Variants in KRI1 observed in about 807,000 individuals in gnomAD.
KRI1 encodes the protein protein KRI1 homolog.
Under a neutral mutation model 97.0 loss-of-function variants are expected in KRI1, and 83 were observed. That is an observed-to-expected ratio of 0.86 (90% CI 0.72 to 1.03). The LOEUF (loss-of-function observed/expected upper bound fraction) is 1.03, where lower values mean the gene tolerates loss of function less well. Among genes scored for constraint, KRI1 ranks in the 50% least tolerant of loss-of-function variants. The pLI is 0.00. For synonymous variants in KRI1, 371 were observed against 363.5 expected, an observed-to-expected ratio of 1.02 and a Z score of -0.23; for missense variants, 916 against 928.4, an observed-to-expected ratio of 0.99 and a Z score of 0.17.
In KRI1 at chr19:10,565,995, G is replaced by T. The variant is rs577890892; in HGVS notation, c.5C>A (p.Pro2Gln). The T allele has an allele frequency of 6.6e-7, 1 of 1,520,680 alleles. No homozygotes were observed. Among genetic ancestry groups the T allele is most frequent in the South Asian group, 1.2e-5 (1 of 82,194 alleles). 94.2% of individuals were successfully genotyped at this position (1,520,680 alleles called of 1,614,324 possible). A position where few individuals can be genotyped will look rare whatever the true frequency, so the allele number is the denominator to read the frequency against. The change falls in exon 1 of 19, where the codon CCG (proline) becomes CAG (glutamine). Residue 2 changes from proline to glutamine, a missense_variant. Around this residue, in one of 3 missense-constraint regions of KRI1, gnomAD observed 173 missense variants for 153.1 expected, o/e 1.13. Coordinates refer to ENST00000312962, the MANE Select transcript of KRI1 (RefSeq NM_023008.5). M[P>Q]EPRGSSQLRV... The stretch of plus-strand genomic sequence containing the variant: ...CAGCTGCGACGACCCGCGCGGTTCC[G>T]GCATGGCGGTTCTGTGGCCCATTGC...
chr19:10,553,664 C>T lies in KRI1; in HGVS notation c.*287G>A, dbSNP rs1245224057. The T allele has an allele frequency of 9.2e-6, 3 of 326,506 alleles. No individual in the cohort carries two copies. In the East Asian group the frequency reaches 1.9e-4, roughly 20 times the overall value. The allele number at this position is 326,506 out of a possible 1,614,324, so 20.2% of individuals were successfully genotyped here. Reference sequence around the variant, plus strand: ...AATCATAGCTCTCTGTAGCCTCAAACTCATGGCCTTAAGTGATCTTCCTTC... The same window carrying T: ...AATCATAGCTCTCTGTAGCCTCAAATTCATGGCCTTAAGTGATCTTCCTTC... On this transcript the variant is annotated 3_prime_UTR_variant, in exon 19 of 19. Transcript: ENST00000312962.
chr19:10,558,291 G>A (rs765016667), intron 12 of KRI1, 52 bp from the exon 13 acceptor site: 2 of 1,571,978 alleles, frequency 1.3e-6, no homozygotes, highest in Admixed American at 1.7e-5. Context: ...CATAGGAGCT[G>A]AGCCCCCTAC....
At chr19:10,560,934 T>C in intron 8 of KRI1, 69 bp downstream of exon 8, 1 of 1,212,970 alleles carries the variant, frequency 8.2e-7, no homozygotes, top group Non-Finnish European at 1.2e-6. Flanking sequence ...AGGGTTACTT[T>C]CTGTAAATAG....
Position 10,557,894 on chromosome 19 carries a change from A to T in KRI1, c.1361T>A (p.Met454Lys), listed in dbSNP as rs1568421844. The stretch of plus-strand genomic sequence containing the variant: ...CTGGCTGGGGTCGTAGTCGGCGTCC[A>T]TCTGCCAGGACGCACAGGTCAGATC... The part of the protein sequence containing the change: ...ELHCEDPNFN[M>K]DADYDPSQPR... Residue 454 changes from methionine to lysine, a missense_variant and splice_region_variant, in exon 15 of 19, where the codon ATG (methionine) becomes AAG (lysine). Around this residue, in one of 3 missense-constraint regions of KRI1, gnomAD observed 672 missense variants for 667.2 expected, o/e 1.01. Coordinates refer to ENST00000312962, the MANE Select transcript of KRI1 (RefSeq NM_023008.5). 6.2e-7 allele frequency: 1 copy of T among 1,613,458 alleles called. No individual in the cohort carries two copies. The highest frequency in any genetic ancestry group is 1.7e-5 in the Admixed American group (1 of 59,982).
Position 10,562,825 on chromosome 19 carries a change from T to C in KRI1, c.287A>G (p.Asp96Gly). 6.2e-7 allele frequency: 1 copy of C among 1,609,320 alleles called. No individual in the cohort carries two copies. Residue 96 changes from aspartate (D) to glycine (G), a missense_variant, in exon 4 of 19, where the codon GAC becomes GGC. By Grantham distance (94) the Asp-to-Gly change is moderately conservative (BLOSUM62 -1). Around this residue, in one of 3 missense-constraint regions of KRI1, gnomAD observed 173 missense variants for 153.1 expected, o/e 1.13. Coordinates refer to ENST00000312962, the MANE Select transcript of KRI1 (RefSeq NM_023008.5). ...CAAGGCTTCTGGGTCCTCCTCACTGTCTGATGACGATGCTGTTAACCCACC... is the reference window on the plus strand; with the variant it reads ...CAAGGCTTCTGGGTCCTCCTCACTGCCTGATGACGATGCTGTTAACCCACC... ...TFYNRTASSS[D>G]SEEDPEALEK... is the part of the protein sequence containing the mutation.
chr19:10,559,284 C>T lies in KRI1; in HGVS notation c.1194+75G>A, dbSNP rs768935761. 1.9e-4 allele frequency: 283 copies of T among 1,517,584 alleles called. 1 individual carries two copies. Among genetic ancestry groups the T allele is most frequent in the Middle Eastern group, 8.7e-4 (5 of 5,736 alleles). 94.0% of individuals were successfully genotyped at this position (1,517,584 alleles called of 1,614,324 possible). A position where few individuals can be genotyped will look rare whatever the true frequency, so the allele number is the denominator to read the frequency against. ...CCTCCCAAAGTGCTGGGATTACAGG[C>T]GTGAGCCACCGTGGCCAGTGAGAGC... is the stretch of plus-strand genomic sequence containing the variant. On this transcript the variant is annotated intron_variant, in intron 12 of 18. Coordinates refer to ENST00000312962, the MANE Select transcript of KRI1 (RefSeq NM_023008.5).
intron 8 of KRI1, 98 bp downstream of exon 8, chr19:10,560,905 G>T (rs1366859899): frequency 1.1e-6 from 1 of 924,356 alleles, no homozygotes; most frequent in Non-Finnish European, 1.7e-6. Flanking sequence ...GCCCAGAGAT[G>T]TACATATCCC....
In KRI1 at chr19:10,555,075, A is replaced by G. The variant is rs1568420559; in HGVS notation, c.1781+12T>C. On this transcript the variant is annotated intron_variant, in intron 18 of 18. Coordinates refer to ENST00000312962, the MANE Select transcript of KRI1 (RefSeq NM_023008.5). Reference sequence around the variant, plus strand: ...GCTCCCCACCCACGCTTCCCCAGCCAGCACTGCTTACTCTTCTCGGCAGAG... The same window carrying G: ...GCTCCCCACCCACGCTTCCCCAGCCGGCACTGCTTACTCTTCTCGGCAGAG... The G allele has an allele frequency of 2.5e-6, 4 of 1,610,710 alleles. No homozygotes were observed. Among genetic ancestry groups the G allele is most frequent in the East Asian group, 2.2e-5 (1 of 44,880 alleles).
intron 12 of KRI1, 31 bp from the exon 13 acceptor site, chr19:10,558,270 C>G: frequency 6.2e-7 from 1 of 1,608,572 alleles, no homozygotes; most frequent in Non-Finnish European, 8.5e-7. Context: ...GTTACCAGAG[C>G]CCACTCGAGA....
At chr19:10,560,079 T>C (rs1346531363) in intron 9 of KRI1, 143 bp from the exon 10 acceptor site, 12 of 1,262,772 alleles carry the variant, frequency 9.5e-6, no homozygotes, top group Non-Finnish European at 1.3e-5. Context: ...TGTCCTCATT[T>C]TACAGATGGG....
chr19:10,562,521 T>G (rs1316733388), intron 4 of KRI1, among the ~76,000 whole-genome samples: 3 of 149,114 alleles, frequency 2.0e-5, no homozygotes, highest in East Asian at 4.9e-4. Context: ...AATTTTTTTG[T>G]AGAGGCGGGG....
rs747270385 is a variant in KRI1 at position 10,554,151 on chromosome 19, C to T, written c.1912G>A (p.Val638Ile). 6 of 1,614,088 alleles carry T rather than the reference C, an allele frequency of 3.7e-6. No homozygotes were observed. Among genetic ancestry groups the T allele is most frequent in the East Asian group, 4.5e-5 (2 of 44,890 alleles). Residue 638 changes from valine to isoleucine, a missense_variant, in exon 19 of 19, where the codon GTA becomes ATA. Around this residue, in one of 3 missense-constraint regions of KRI1, gnomAD observed 672 missense variants for 667.2 expected, o/e 1.01. Transcript: ENST00000312962. Reference protein sequence around the residue: ...SPPAQEEEAPVSPHKKPAPQK... With the variant: ...SPPAQEEEAPISPHKKPAPQK... Reference sequence around the variant, plus strand: ...GGGGCTGGCTTCTTGTGGGGTGATACAGGGGCTTCCTCTTCCTGTGCTGGG... The same window carrying T: ...GGGGCTGGCTTCTTGTGGGGTGATATAGGGGCTTCCTCTTCCTGTGCTGGG...
rs759346845 is a variant in KRI1, at chr19:10,565,705, G to A, written c.168+12C>T. The A allele has an allele frequency of 6.4e-6, 10 of 1,562,084 alleles. No individual in the cohort carries two copies. The highest frequency in any genetic ancestry group is 1.8e-4 in the Middle Eastern group (1 of 5,422). On this transcript the variant is annotated intron_variant, in intron 2 of 18. Coordinates refer to ENST00000312962, the MANE Select transcript of KRI1 (RefSeq NM_023008.5). ...CGCCTCCGCACGTCCAGGACGGGGC[G>A]GGGACGCGCACCACGCGCTCGTCGC...
intron 6 of KRI1, 139 bp downstream of exon 6, chr19:10,561,528 G>T: frequency 1.1e-6 from 1 of 913,232 alleles, no homozygotes; most frequent in Non-Finnish European, 1.8e-6. Flanking sequence ...GAGCAGTGCT[G>T]TGATGTTATT....
intron 8 of KRI1, 32 bp downstream of exon 8, chr19:10,560,971 T>G: frequency 1.3e-6 from 2 of 1,529,632 alleles, no homozygotes; most frequent in Non-Finnish European, 1.8e-6. Flanking sequence ...ACACGCGGTC[T>G]ACTCCATCAG....
At chr19:10,561,995 G>A in intron 4 of KRI1, 150 bp from the exon 5 acceptor site, 3 of 643,288 alleles carry the variant, frequency 4.7e-6, no homozygotes, top group African/African-American at 1.8e-5. Flanking sequence ...GGCTATCTGC[G>A]ATTCTGGTGA....
rs781551594 is a variant in KRI1, at chr19:10,561,156, C to T, written c.585+13G>A. On this transcript the variant is annotated intron_variant, in intron 7 of 18. Coordinates refer to ENST00000312962, the MANE Select transcript of KRI1 (RefSeq NM_023008.5). ...CCTGTCCCCCAGCAGTCCAGTCAGG[C>T]CCCAGTACCCACCTTCTCCTGCCTG... The T allele has an allele frequency of 1.1e-5, 17 of 1,613,244 alleles. No individual in the cohort carries two copies. The highest frequency in any genetic ancestry group is 8.5e-7 in the Non-Finnish European group (1 of 1,179,334).
chr19:10,555,314 C>G lies in KRI1; in HGVS notation c.1653G>C (p.Trp551Cys). Residue 551 changes from tryptophan to cysteine, a missense_variant, in exon 17 of 19, where the codon TGG becomes TGC. By Grantham distance (215) the Trp-to-Cys change is radical. Around this residue, in one of 3 missense-constraint regions of KRI1, gnomAD observed 672 missense variants for 667.2 expected, o/e 1.01. Transcript: ENST00000312962. Reference protein sequence around the residue: ...LAADDKELNRWCSLKKTCMYR... With the variant: ...LAADDKELNRCCSLKKTCMYR... Reference sequence around the variant, plus strand: ...ACATGCAGGTCTTCTTTAGGGAGCACCACCGGTTCAGCTCCTTATCGTCAG... The same window carrying G: ...ACATGCAGGTCTTCTTTAGGGAGCAGCACCGGTTCAGCTCCTTATCGTCAG... 5 of 1,612,542 alleles carry G rather than the reference C, an allele frequency of 3.1e-6. No homozygotes were observed. Among genetic ancestry groups the G allele is most frequent in the Non-Finnish European group, 4.2e-6 (5 of 1,179,576 alleles).
At chr19:10,565,545 C>A (rs1045978433) in intron 2 of KRI1, 172 bp downstream of exon 2, 2 of 815,280 alleles carry the variant, frequency 2.5e-6, no homozygotes, top group South Asian at 1.8e-5. Context: ...GGATTTGGCT[C>A]CCCTGGGGAG....
Sources: gnomAD v4.1 joint callset for allele counts (sites outside exome capture counted in the v4.1 genomes callset) on GRCh38, gnomAD v4.1.1 for gene constraint, gnomAD v4.1.1 regional missense constraint, MANE v1.5 for transcripts, NCBI Gene and HGNC (gene_info 2026-07-23, HGNC 2026-07-21) for gene names.